The following LNX1 variants were observed in gnomAD, a reference collection of about 807,000 sequenced individuals.
LNX1 encodes the protein E3 ubiquitin-protein ligase LNX.
LNX1 carries 54 observed loss-of-function variants against 68.4 expected under a neutral mutation model. The ratio of observed to expected loss-of-function variants is 0.79; its 90% CI spans 0.63 to 0.99. The LOEUF (loss-of-function observed/expected upper bound fraction) is 0.99. LNX1 is among the 50% of genes least tolerant of loss of function. LNX1 has a pLI of 0.00. For synonymous variants in LNX1, 336 were observed against 350.0 expected, an observed-to-expected ratio of 0.96 and a Z score of 0.45; for missense variants, 906 against 926.4, an observed-to-expected ratio of 0.98 and a Z score of 0.29.
chr4:53,547,751 C>T (rs1187144547), intron 2 of LNX1, among the ~76,000 whole-genome samples: 1 of 151,998 alleles, frequency 6.6e-6, no homozygotes, highest in Non-Finnish European at 1.5e-5. Context: ...ACCAGAATTC[C>T]CAGAGATGGC....
intron 1 of LNX1, among the ~76,000 whole-genome samples, chr4:53,622,591 T>C (rs766005292): frequency 1.3e-5 from 2 of 152,152 alleles, no homozygotes; most frequent in African/African-American, 2.4e-5. Flanking sequence ...TTTTTCCAAA[T>C]TGGTATAAAA....
chr4:53,523,889 T>C (rs1727425193), intron 2 of LNX1, among the ~76,000 whole-genome samples: 1 of 152,210 alleles, frequency 6.6e-6, no homozygotes, highest in African/African-American at 2.4e-5. Flanking sequence ...GATAGAGGAT[T>C]TGGTTATTTA....
intron 6 of LNX1, among the ~76,000 whole-genome samples, chr4:53,489,122 A>G (rs1724516322): frequency 6.6e-6 from 1 of 152,192 alleles, no homozygotes; most frequent in Admixed American, 6.5e-5. Flanking sequence ...TGCCTGATAT[A>G]TTATTAAAAA....
chr4:53,603,499 A>C (rs1733104288), intron 2 of LNX1: 1 of 152,200 alleles, frequency 6.6e-6, no homozygotes, highest in African/African-American at 2.4e-5. Context: ...TGACTGCTTA[A>C]TTAATAAAAG....
At chr4:53,622,877 G>A (rs915146498) in intron 1 of LNX1, among the ~76,000 whole-genome samples, 3 of 152,112 alleles carry the variant, frequency 2.0e-5, no homozygotes, top group African/African-American at 4.8e-5. Flanking sequence ...GAAGCCAATA[G>A]CATTTTCTTT....
chr4:53,465,544 G>A (rs954693022), intron 9 of LNX1, among the ~76,000 whole-genome samples: 23 of 152,302 alleles, frequency 1.5e-4, no homozygotes, highest in African/African-American at 5.3e-4. Flanking sequence ...ACTCCAGAAA[G>A]TTTTACAATC....
intron 2 of LNX1, among the ~76,000 whole-genome samples, chr4:53,610,242 A>C (rs548152985): frequency 1.1e-4 from 16 of 152,180 alleles, no homozygotes; most frequent in Non-Finnish European, 1.8e-4. Context: ...TAATTCAATA[A>C]ATAAGAAAAA....
chr4:53,645,309 C>T (rs1277582507), intron 1 of LNX1, among the ~76,000 whole-genome samples: 1 of 152,252 alleles, frequency 6.6e-6, no homozygotes. Context: ...GGCCTTTGGT[C>T]ACCAGCCTGG....
chr4:53,502,850 G>T (rs1348691094), intron 4 of LNX1, among the ~76,000 whole-genome samples: 3 of 151,926 alleles, frequency 2.0e-5, no homozygotes, highest in African/African-American at 7.3e-5. Flanking sequence ...TCCATCTCAA[G>T]AAACCACTTT....
chr4:53,581,922 C>A (rs748681667), intron 1 of LNX1, among the ~76,000 whole-genome samples: 3 of 152,186 alleles, frequency 2.0e-5, no homozygotes, highest in Non-Finnish European at 4.4e-5. Context: ...TATTTGAATA[C>A]ATTTTGATCT....
At chr4:53,638,232 G>C (rs1403431727) in intron 1 of LNX1, among the ~76,000 whole-genome samples, 1 of 152,158 alleles carries the variant, frequency 6.6e-6, no homozygotes, top group Non-Finnish European at 1.5e-5. Flanking sequence ...GCAGTCATGA[G>C]AGATGAATGG....
chr4:53,530,330 CA>C (rs1325334373), intron 2 of LNX1, among the ~76,000 whole-genome samples: 1 of 151,808 alleles, frequency 6.6e-6, no homozygotes, highest in African/African-American at 2.4e-5. Flanking sequence ...AAAAGGTATA[CA>C]AAAGTCACCC....
At chr4:53,625,746 G>A (rs1001983252) in intron 1 of LNX1, among the ~76,000 whole-genome samples, 1 of 152,150 alleles carries the variant, frequency 6.6e-6, no homozygotes, top group African/African-American at 2.4e-5. Context: ...GGTTGAGGCT[G>A]TAGTAAGCCA....
intron 9 of LNX1, among the ~76,000 whole-genome samples, chr4:53,469,979 T>C (rs1422408662): frequency 6.6e-6 from 1 of 152,216 alleles, no homozygotes; most frequent in East Asian, 1.9e-4. Context: ...GAATCCTCCC[T>C]AACTCATTTT....
At chr4:53,529,967 G>A (rs1301431174) in intron 2 of LNX1, among the ~76,000 whole-genome samples, 1 of 151,948 alleles carries the variant, frequency 6.6e-6, no homozygotes, top group Admixed American at 6.6e-5. Context: ...AAATGTAGGC[G>A]AATACTTTTC....
At chr4:53,569,243 C>A (rs1006418994) in intron 2 of LNX1, among the ~76,000 whole-genome samples, 2 of 151,736 alleles carry the variant, frequency 1.3e-5, no homozygotes, top group African/African-American at 2.4e-5. Flanking sequence ...GGAGGCATCA[C>A]ACTACCTGAC....
At chr4:53,483,233 A>G (rs1724063417) in intron 6 of LNX1, among the ~76,000 whole-genome samples, 1 of 152,182 alleles carries the variant, frequency 6.6e-6, no homozygotes, top group Non-Finnish European at 1.5e-5. Context: ...ACCATGTAAG[A>G]CATCCCTTTG....
At chr4:53,618,428 A>G (rs1336040298), upstream of LNX1, among the ~76,000 whole-genome samples, 5 of 152,230 alleles carry the variant, frequency 3.3e-5, no homozygotes, top group Non-Finnish European at 5.9e-5. Flanking sequence ...TTGAGATAAC[A>G]AAGCTCTGTT....
At chr4:53,515,085 G>A (rs1726660711) in intron 2 of LNX1, among the ~76,000 whole-genome samples, 1 of 152,140 alleles carries the variant, frequency 6.6e-6, no homozygotes, top group African/African-American at 2.4e-5. Context: ...AACTGGTTGG[G>A]GGAGAAAAGT....
Sources: allele counts gnomAD v4.1 joint callset (sites outside exome capture counted in the v4.1 genomes callset), GRCh38; gene constraint gnomAD v4.1.1; transcripts MANE v1.5; gene names NCBI Gene and HGNC (gene_info 2026-07-23, HGNC 2026-07-21).